Variants in DOCK8 observed in about 807,000 individuals in gnomAD.
DOCK8 encodes dedicator of cytokinesis protein 8.
DOCK8 carries 141 observed loss-of-function variants against 245.6 expected under a neutral mutation model. The ratio of observed to expected loss-of-function variants is 0.57; its 90% confidence interval spans 0.50 to 0.66. The LOEUF (loss-of-function observed/expected upper bound fraction) is 0.66, where lower values mean the gene tolerates loss of function less well. Among genes scored for constraint, DOCK8 ranks in the 30% least tolerant of loss-of-function variants. DOCK8 has a pLI of 0.00. For synonymous variants in DOCK8, 1,168 were observed against 970.2 expected (o/e 1.20, Z -3.79); for missense variants, 2,965 against 2,603.4 (o/e 1.14, Z -3.02).
chr9:216,537 C>CAAAAAAAAAAAAAAAAA (rs59529982), intron 1 of DOCK8, among the ~76,000 whole-genome samples: 45 of 88,914 alleles, frequency 5.1e-4, no homozygotes, highest in African/African-American at 1.2e-3. Flanking sequence ...AAAAAACAGA[C>CAAAAAAAAAAAAAAAAA]AAAAAAAAAA....
chr9:433,768 C>A, intron 37 of DOCK8, 107 bp from the exon 38 acceptor site: 1 of 933,934 alleles, frequency 1.1e-6, no homozygotes, highest in East Asian at 2.5e-5. Context: ...CTCTGCTGCC[C>A]TCTGATCCAA....
At chr9:354,680 A>G (rs1887528) in intron 14 of DOCK8, among the ~76,000 whole-genome samples, 83,237 of 152,030 alleles carry the variant, frequency 0.55, 24,099 homozygotes, top group East Asian at 0.81. Flanking sequence ...TGTTGGCAGG[A>G]TGCAGTTGCT....
chr9:221,413 A>G (rs1455950287), intron 1 of DOCK8, among the ~76,000 whole-genome samples: 1 of 152,204 alleles, frequency 6.6e-6, no homozygotes, highest in Non-Finnish European at 1.5e-5. Context: ...CTGAACATGT[A>G]CAGACTTTTT....
chr9:439,821 G>A (rs1483875455), intron 40 of DOCK8, among the ~76,000 whole-genome samples: 2 of 152,068 alleles, frequency 1.3e-5, no homozygotes, highest in East Asian at 1.9e-4. Flanking sequence ...CACAGACAGT[G>A]TCTTCCCTCC....
chr9:225,125 C>A (rs2046963703), intron 1 of DOCK8, among the ~76,000 whole-genome samples: 1 of 151,996 alleles, frequency 6.6e-6, no homozygotes, highest in South Asian at 2.1e-4. Flanking sequence ...ACGGGAGATT[C>A]AAAACACAAA....
intron 14 of DOCK8, among the ~76,000 whole-genome samples, chr9:341,723 C>G (rs536625290): frequency 3.9e-5 from 6 of 152,210 alleles, no homozygotes; most frequent in African/African-American, 1.4e-4. Context: ...CCCCAACCCC[C>G]GGGCCATAGA....
chr9:235,647 C>T (rs1462655823), intron 1 of DOCK8, among the ~76,000 whole-genome samples: 2 of 152,200 alleles, frequency 1.3e-5, no homozygotes, highest in Non-Finnish European at 2.9e-5. Context: ...GCAGTTTGAT[C>T]TCAGACTGCT....
intron 1 of DOCK8, among the ~76,000 whole-genome samples, chr9:234,944 C>G (rs2047210788): frequency 6.6e-6 from 1 of 152,202 alleles, no homozygotes. Context: ...TGGTGAGGAG[C>G]TGCGTTCCTT....
At chr9:220,611 T>C (rs2046858735) in intron 1 of DOCK8, 1 of 287,662 alleles carries the variant, frequency 3.5e-6, no homozygotes, top group South Asian at 2.7e-5. Context: ...AAGCATTTAG[T>C]TTTTTTCAGT....
At chr9:396,403 T>C (rs2054457557) in intron 24 of DOCK8, among the ~76,000 whole-genome samples, 1 of 152,206 alleles carries the variant, frequency 6.6e-6, no homozygotes, top group Non-Finnish European at 1.5e-5. Context: ...TGATAAACTG[T>C]TCCTTTCTGA....
rs201133336 is a variant in DOCK8, at chr9:424,077, TA to T, written c.4241+1946del. Among the ~76,000 whole-genome samples the T allele has an allele frequency of 9.7e-3, 1,314 of 135,752 alleles. 23 individuals are homozygous for T. The highest frequency in any genetic ancestry group is 0.033 in the African/African-American group (1,244 of 37,572). The allele number at this position is 135,752 out of a possible 152,430, so 89.1% of individuals were successfully genotyped here. A position where few individuals can be genotyped will look rare whatever the true frequency, so the allele number is the denominator to read the frequency against. The stretch of plus-strand genomic sequence containing the variant: ...GGGCTTTGTGCTTTTTTTTTTTTTT[TA>T]AAAGGGAAACCATAGTAAAATTATA... On this transcript the variant is annotated intron_variant, in intron 33 of 47. Coordinates refer to ENST00000432829, the MANE Select transcript of DOCK8 (RefSeq NM_203447.4).
intron 4 of DOCK8, among the ~76,000 whole-genome samples, chr9:298,904 A>G (rs2049399207): frequency 6.6e-6 from 1 of 152,044 alleles, no homozygotes; most frequent in Non-Finnish European, 1.5e-5. Context: ...TCCTTAAAAA[A>G]AAAAAAAAGG....
intron 1 of DOCK8, among the ~76,000 whole-genome samples, chr9:225,029 A>T (rs527575007): frequency 2.6e-5 from 4 of 152,170 alleles, no homozygotes; most frequent in Non-Finnish European, 5.9e-5. Context: ...GGGGTATCCA[A>T]TTTACCTCCT....
chr9:324,148 AG>A (rs1371154615), intron 7 of DOCK8, among the ~76,000 whole-genome samples: 19 of 152,380 alleles, frequency 1.2e-4, no homozygotes, highest in African/African-American at 4.1e-4. Flanking sequence ...AACAGAGTCC[AG>A]GTCTCTGCCT....
chr9:352,741 A>AAAAAAG, intron 14 of DOCK8, among the ~76,000 whole-genome samples: 1 of 8,742 alleles, frequency 1.1e-4, no homozygotes, highest in South Asian at 0.01. Context: ...ACTCTGTCTC[A>AAAAAAG]AAAAAAAAGT....
At chr9:247,680 C>T (rs1587657479) in intron 1 of DOCK8, among the ~76,000 whole-genome samples, 2 of 152,096 alleles carry the variant, frequency 1.3e-5, no homozygotes, top group East Asian at 3.9e-4. Context: ...AATACAGGCA[C>T]CCACCACCAC....
intron 12 of DOCK8, among the ~76,000 whole-genome samples, chr9:338,530 G>C (rs1214047227): frequency 6.6e-6 from 1 of 152,180 alleles, no homozygotes; most frequent in Non-Finnish European, 1.5e-5. Flanking sequence ...ATGCATGTGT[G>C]CTCCTGACCC....
In DOCK8 at chr9:443,501, G is replaced by C. The variant is rs1318767415; in HGVS notation, c.5565G>C (p.Lys1855Asn). ...ACTCCACTCCTGTGGACAAAACCAAGTTGGATCCTAACAAGGTATACAAAA... is the reference window on the plus strand; with the variant it reads ...ACTCCACTCCTGTGGACAAAACCAACTTGGATCCTAACAAGGTATACAAAA... ...IKDSTPVDKT[K>N]LDPNKAYIQI... Residue 1855 changes from lysine (K) to asparagine (N), a missense_variant, in exon 43 of 48, where the codon AAG (lysine) becomes AAC (asparagine). Around this residue, in one of 3 missense-constraint regions of DOCK8, gnomAD observed 2,825 missense variants for 2,453.5 expected, o/e 1.15. Coordinates refer to ENST00000432829, the MANE Select transcript of DOCK8 (RefSeq NM_203447.4). The C allele has an allele frequency of 1.9e-6, 3 of 1,613,870 alleles. No homozygotes were observed. Among genetic ancestry groups the C allele is most frequent in the Non-Finnish European group, 2.5e-6 (3 of 1,179,958 alleles).
In DOCK8 at chr9:464,483, A is replaced by G. The variant is rs893185104; in HGVS notation, c.*264A>G. On this transcript the variant is annotated 3_prime_UTR_variant, in exon 48 of 48. Coordinates refer to ENST00000432829, the MANE Select transcript of DOCK8 (RefSeq NM_203447.4). The stretch of plus-strand genomic sequence containing the variant: ...ATTTATTAAAGTGTGTTTTTCCACA[A>G]TGTACCAAACAAGGCATAAGCAGCT... 19 of 553,244 alleles carry G rather than the reference A, an allele frequency of 3.4e-5. No homozygotes were observed. The highest frequency in any genetic ancestry group is 2.8e-4 in the African/African-American group (15 of 52,890). 34.3% of individuals were successfully genotyped at this position (553,244 alleles called of 1,614,324 possible).
Sources: allele counts gnomAD v4.1 joint callset (sites outside exome capture counted in the v4.1 genomes callset), GRCh38; gene constraint gnomAD v4.1.1; regional missense constraint gnomAD v4.1.1; transcripts MANE v1.5; gene names NCBI Gene and HGNC (gene_info 2026-07-23, HGNC 2026-07-21).